The following FGF13 variants were observed in gnomAD, a reference collection of about 807,000 sequenced individuals.
FGF13 encodes the protein fibroblast growth factor homologous factor 2.
In FGF13, 2 loss-of-function variants were observed where a neutral mutation model predicts 19.5. The observed-to-expected ratio is 0.10, with a 90% confidence interval of 0.04 to 0.32. The LOEUF is 0.32. FGF13 is among the 10% of genes least tolerant of loss of function. The probability of loss-of-function intolerance (pLI) is 1.00; values close to 1 mark genes in which losing one functional copy is unlikely to be tolerated. For missense variants in FGF13, 113 were observed against 192.7 expected (o/e 0.59, Z 2.45); for synonymous variants, 72 against 76.9 (o/e 0.94, Z 0.33).
chrX:139,176,803 A>G (rs190107797), intron 1 of FGF13, among the ~76,000 whole-genome samples: 57 of 111,335 alleles, frequency 5.1e-4, no homozygotes, highest in African/African-American at 1.8e-3. Context: ...ATTCTTTTGC[A>G]TTTGCTGAGG....
intron 1 of FGF13, chrX:138,984,879 C>T (rs1289420592): frequency 7.4e-6 from 2 of 268,707 alleles, no homozygotes; most frequent in Non-Finnish European, 1.4e-5. Context: ...TGAGGCAACA[C>T]TGTCATCATT....
intron 1 of FGF13, among the ~76,000 whole-genome samples, chrX:139,011,948 A>G (rs950738858): frequency 9.0e-6 from 1 of 110,994 alleles, no homozygotes; most frequent in African/African-American, 3.3e-5. Flanking sequence ...AATCCTAAAG[A>G]CTCATCCAAA....
chrX:139,043,644 T>A (rs2092277596), intron 1 of FGF13, among the ~76,000 whole-genome samples: 1 of 111,596 alleles, frequency 9.0e-6, no homozygotes, highest in Non-Finnish European at 1.9e-5. Flanking sequence ...AGAGTAGGTA[T>A]CCAAGCAAAT....
intron 1 of FGF13, among the ~76,000 whole-genome samples, chrX:139,192,407 A>G (rs1472585972): frequency 8.9e-6 from 1 of 112,261 alleles, no homozygotes; most frequent in African/African-American, 3.2e-5. Flanking sequence ...AAGAATCACC[A>G]GGACACCTGC....
intron 1 of FGF13, among the ~76,000 whole-genome samples, chrX:139,053,398 C>T (rs1027998006): frequency 1.9e-5 from 2 of 106,165 alleles, no homozygotes; most frequent in Non-Finnish European, 3.8e-5. Context: ...ATTGCTGCAT[C>T]CATGCCAGCA....
chrX:138,985,241 T>C (rs1001915596), intron 1 of FGF13: 69 of 249,484 alleles, frequency 2.8e-4, no homozygotes, highest in African/African-American at 1.9e-3. Context: ...TCCTGGATTT[T>C]GGTTTTGGTT....
chrX:139,149,632 A>G (rs2148246199), intron 1 of FGF13, among the ~76,000 whole-genome samples: 1 of 112,197 alleles, frequency 8.9e-6, no homozygotes, highest in African/African-American at 3.2e-5. Context: ...GTGCTACTGA[A>G]TAAGATTATT....
chrX:139,110,207 T>C (rs910043624), intron 1 of FGF13, among the ~76,000 whole-genome samples: 3 of 110,463 alleles, frequency 2.7e-5, no homozygotes, highest in Non-Finnish European at 5.7e-5. Flanking sequence ...ATGCATCTTA[T>C]GTACATATAA....
At chrX:139,046,034 A>G (rs1414405272) in intron 1 of FGF13, among the ~76,000 whole-genome samples, 1 of 111,771 alleles carries the variant, frequency 8.9e-6, no homozygotes, top group Non-Finnish European at 1.9e-5. Flanking sequence ...TTGCTTTGCT[A>G]TAAAGAAATA....
chrX:138,883,810 G>C (rs1337658438), intron 1 of FGF13, among the ~76,000 whole-genome samples: 1 of 111,879 alleles, frequency 8.9e-6, no homozygotes, highest in Non-Finnish European at 1.9e-5. Context: ...CACTACCTCA[G>C]CAAATTATTT....
intron 1 of FGF13, among the ~76,000 whole-genome samples, chrX:139,071,847 C>CT (rs1287061709): frequency 2.8e-5 from 3 of 108,087 alleles, no homozygotes; most frequent in Non-Finnish European, 5.7e-5. Context: ...GAAACCCCAT[C>CT]TCTACTAAAA....
intron 1 of FGF13, among the ~76,000 whole-genome samples, chrX:138,976,767 G>C (rs1161556509): frequency 9.0e-6 from 1 of 111,184 alleles, no homozygotes; most frequent in Non-Finnish European, 1.9e-5. Flanking sequence ...ATTAAGGTGA[G>C]CTGTTAGCAT....
chrX:138,726,585 A>C (rs191695612), intron 1 of FGF13, among the ~76,000 whole-genome samples: 73 of 111,969 alleles, frequency 6.5e-4, no homozygotes, highest in African/African-American at 2.3e-3. Context: ...AGACAGCTTT[A>C]TCTGCACATA....
At chrX:138,749,440 A>AG (rs2090381339) in intron 3 of FGF13, among the ~76,000 whole-genome samples, 1 of 110,765 alleles carries the variant, frequency 9.0e-6, no homozygotes, top group African/African-American at 3.3e-5. Context: ...GTAAAATCAC[A>AG]GGGGGGCGGG....
At chrX:139,100,041 A>AACACACACACACACACACAC (rs56821859) in intron 1 of FGF13, among the ~76,000 whole-genome samples, 9 of 76,425 alleles carry the variant, frequency 1.2e-4, no homozygotes, top group Admixed American at 3.1e-4. Flanking sequence ...GGGGAAAGCA[A>AACACACACACACACACACAC]ACACACACAC....
chrX:138,677,753 T>C (rs1353203113), intron 3 of FGF13, among the ~76,000 whole-genome samples: 1 of 112,465 alleles, frequency 8.9e-6, no homozygotes, highest in African/African-American at 3.2e-5. Context: ...AGTTCAACCA[T>C]TGTGGAAGTC....
At chrX:138,940,382 T>A (rs1342897498) in intron 1 of FGF13, among the ~76,000 whole-genome samples, 1 of 112,075 alleles carries the variant, frequency 8.9e-6, no homozygotes, top group Non-Finnish European at 1.9e-5. Flanking sequence ...CTGTTGATTG[T>A]CTGTTTACTT....
At chrX:138,947,946 G>A (rs1278447827) in intron 1 of FGF13, among the ~76,000 whole-genome samples, 1 of 111,574 alleles carries the variant, frequency 9.0e-6, no homozygotes, top group Non-Finnish European at 1.9e-5. Flanking sequence ...ACCATGTGAA[G>A]ACAAAGGAAG....
At chrX:139,093,708 T>C (rs2083452840) in intron 1 of FGF13, among the ~76,000 whole-genome samples, 2 of 111,870 alleles carry the variant, frequency 1.8e-5, no homozygotes, top group African/African-American at 6.5e-5. Context: ...TGGATTTCCA[T>C]GGAGCCAAGA....
Sources: gnomAD v4.1 joint callset for allele counts (sites outside exome capture counted in the v4.1 genomes callset) on GRCh38, gnomAD v4.1.1 for gene constraint, MANE v1.5 for transcripts, NCBI Gene and HGNC (gene_info 2026-07-23, HGNC 2026-07-21) for gene names.